The following ADGRB3 variants were observed in gnomAD, a reference collection of about 807,000 sequenced individuals.
The protein encoded by ADGRB3 is brain-specific angiogenesis inhibitor 3.
In ADGRB3, 37 loss-of-function variants were observed where a neutral mutation model predicts 193.4. The observed-to-expected ratio is 0.19, with a 90% CI of 0.15 to 0.25. ADGRB3 has a LOEUF of 0.25. Among genes scored for constraint, ADGRB3 ranks in the 10% least tolerant of loss-of-function variants. The probability of loss-of-function intolerance (pLI) is 1.00; values close to 1 mark genes in which losing one functional copy is unlikely to be tolerated. For missense variants in ADGRB3, 1,637 were observed against 1,852.9 expected (o/e 0.88, Z 2.14); for synonymous variants, 690 against 644.2 (o/e 1.07, Z -1.08).
chr6:69,092,391 G>A (rs1772734958), intron 17 of ADGRB3, among the ~76,000 whole-genome samples: 1 of 152,132 alleles, frequency 6.6e-6, no homozygotes, highest in Non-Finnish European at 1.5e-5. Context: ...ATGAGTTTAT[G>A]TCTTTCACCA....
chr6:69,262,541 AT>A lies in ADGRB3; in HGVS notation c.2814+23318del, dbSNP rs1360199144. On this transcript the variant is annotated intron_variant, in intron 20 of 31. Coordinates refer to ENST00000370598, the MANE Select transcript of ADGRB3 (RefSeq NM_001704.3). ...TTCAAAAACCTATCATTTATTGGCAATTTCTCAATATTTCTCTCCAACCCCA... is the reference window on the plus strand; with the variant it reads ...TTCAAAAACCTATCATTTATTGGCAATTCTCAATATTTCTCTCCAACCCCA... 8.6e-5 allele frequency among the ~76,000 whole-genome samples: 13 copies of A among 151,902 alleles called. No homozygotes were observed. In the East Asian group the frequency reaches 2.5e-3, roughly 29 times the overall value.
intron 20 of ADGRB3, among the ~76,000 whole-genome samples, chr6:69,253,605 G>T: frequency 6.6e-6 from 1 of 152,140 alleles, no homozygotes; most frequent in African/African-American, 2.4e-5. Flanking sequence ...GAGTTGAAGA[G>T]AAATTAGGAG....
chr6:69,065,673 A>G (rs1433906975), intron 16 of ADGRB3, among the ~76,000 whole-genome samples: 1 of 151,880 alleles, frequency 6.6e-6, no homozygotes, highest in Non-Finnish European at 1.5e-5. Flanking sequence ...CTATTTTGAA[A>G]TATAATGTTA....
chr6:68,661,395 GTATACATATA>G (rs1211857284), intron 3 of ADGRB3, among the ~76,000 whole-genome samples: 4 of 69,994 alleles, frequency 5.7e-5, no homozygotes, highest in South Asian at 1.0e-3. Context: ...ATATATGTGT[GTATACATATA>G]TATGTGTGTG....
intron 27 of ADGRB3, among the ~76,000 whole-genome samples, chr6:69,355,473 T>C (rs565307275): frequency 6.6e-6 from 1 of 152,204 alleles, no homozygotes; most frequent in Non-Finnish European, 1.5e-5. Flanking sequence ...TATTTAAGAA[T>C]ATTCATAATA....
At chr6:68,929,830 CCAGA>C (rs1342070979) in intron 3 of ADGRB3, among the ~76,000 whole-genome samples, 1 of 151,810 alleles carries the variant, frequency 6.6e-6, no homozygotes, top group Non-Finnish European at 1.5e-5. Flanking sequence ...CGAATTAGTA[CCAGA>C]CATTTTTTTT....
chr6:69,380,176 C>A (rs2127344732), intron 30 of ADGRB3, among the ~76,000 whole-genome samples: 1 of 151,994 alleles, frequency 6.6e-6, no homozygotes, highest in Non-Finnish European at 1.5e-5. Context: ...GCTTGGTTTG[C>A]TTCTTAAAAA....
intron 3 of ADGRB3, among the ~76,000 whole-genome samples, chr6:68,819,393 C>T (rs1369430227): frequency 1.3e-5 from 2 of 151,870 alleles, no homozygotes; most frequent in Admixed American, 6.6e-5. Context: ...TTGCATTGCC[C>T]CTCCATTCTG....
chr6:68,904,728 G>C (rs914780841), intron 3 of ADGRB3, among the ~76,000 whole-genome samples: 2 of 152,104 alleles, frequency 1.3e-5, no homozygotes, highest in African/African-American at 2.4e-5. Context: ...AGATACTTAG[G>C]TTGTTTCCAT....
chr6:69,012,166 C>A (rs1263511801), intron 11 of ADGRB3, among the ~76,000 whole-genome samples: 1 of 152,016 alleles, frequency 6.6e-6, no homozygotes, highest in African/African-American at 2.4e-5. Flanking sequence ...GAGTCACCGA[C>A]CCACTGTCAG....
intron 13 of ADGRB3, among the ~76,000 whole-genome samples, chr6:69,031,667 A>T (rs1313038162): frequency 7.3e-6 from 1 of 136,948 alleles, no homozygotes; most frequent in Non-Finnish European, 1.6e-5. Flanking sequence ...CAGGTTCTTA[A>T]TTTGTCACTC....
chr6:68,928,306 C>T (rs1051270592), intron 3 of ADGRB3, among the ~76,000 whole-genome samples: 1 of 151,984 alleles, frequency 6.6e-6, no homozygotes, highest in African/African-American at 2.4e-5. Flanking sequence ...TGGGAGGATC[C>T]CTTGAGGCCA....
At position 69,175,285 on chromosome 6, in the gene ADGRB3, G is replaced by A. The variant is rs150271337; in HGVS notation, c.2481-58005G>A. On this transcript the variant is annotated intron_variant, in intron 17 of 31. Transcript: ENST00000370598. ...AGAAGAATTTAGGTCTTACATGTAA[G>A]TGTTTAACCCATCTTGAGTCGATTT... Among the ~76,000 whole-genome samples, 742 of 152,298 alleles carry A rather than the reference G, an allele frequency of 4.9e-3. 5 individuals carry two copies. The highest frequency in any genetic ancestry group is 0.027 in the Middle Eastern group (8 of 294).
At chr6:69,204,426 G>C (rs958923130) in intron 17 of ADGRB3, among the ~76,000 whole-genome samples, 1 of 152,054 alleles carries the variant, frequency 6.6e-6, no homozygotes, top group Non-Finnish European at 1.5e-5. Flanking sequence ...GTCTTCAGTT[G>C]TTTCTTGCTT....
intron 3 of ADGRB3, among the ~76,000 whole-genome samples, chr6:68,862,487 C>T (rs1338938265): frequency 6.6e-6 from 1 of 152,172 alleles, no homozygotes; most frequent in Non-Finnish European, 1.5e-5. Flanking sequence ...AACATACTCT[C>T]CTGCAATCTT....
intron 14 of ADGRB3, 60 bp downstream of exon 14, chr6:69,048,394 G>T: frequency 6.7e-7 from 1 of 1,495,984 alleles, no homozygotes; most frequent in South Asian, 1.2e-5. Context: ...CATTTAATTA[G>T]AAATTAGGTA....
At chr6:69,068,152 C>T (rs960344775) in intron 16 of ADGRB3, among the ~76,000 whole-genome samples, 6 of 152,080 alleles carry the variant, frequency 3.9e-5, no homozygotes, top group Admixed American at 3.3e-4. Flanking sequence ...CTGTGTGATA[C>T]GCAGAATAGT....
chr6:68,788,469 G>A (rs995101641), intron 3 of ADGRB3, among the ~76,000 whole-genome samples: 4 of 152,160 alleles, frequency 2.6e-5, no homozygotes, highest in African/African-American at 9.7e-5. Context: ...GCAGTTTTGA[G>A]TGAGTTTCTT....
At chr6:68,723,712 A>AT (rs1765624767) in intron 3 of ADGRB3, among the ~76,000 whole-genome samples, 2 of 151,740 alleles carry the variant, frequency 1.3e-5, no homozygotes, top group South Asian at 4.1e-4. Context: ...AGTATTTACT[A>AT]TTTTTTTCTA....
Sources: allele counts gnomAD v4.1 joint callset (sites outside exome capture counted in the v4.1 genomes callset), GRCh38; gene constraint gnomAD v4.1.1; transcripts MANE v1.5; gene names NCBI Gene and HGNC (gene_info 2026-07-23, HGNC 2026-07-21).